Variants in HMCN1 observed in about 807,000 individuals in gnomAD.
HMCN1 encodes hemicentin 1.
A neutral mutation model predicts 625.9 loss-of-function variants in HMCN1; 321 were observed. That is an observed-to-expected ratio of 0.51 (90% CI 0.47 to 0.56). The LOEUF (loss-of-function observed/expected upper bound fraction) is 0.56, where lower values mean the gene tolerates loss of function less well. HMCN1 is among the 20% of genes least tolerant of loss of function. HMCN1 has a pLI of 0.00. For synonymous variants in HMCN1, 2,425 were observed against 2,417.6 expected (o/e 1.00, Z -0.09); for missense variants, 6,588 against 6,887.3 (o/e 0.96, Z 1.54).
At position 186,128,294 on chromosome 1, in the gene HMCN1, T is replaced by C; in HGVS notation, c.12904+3T>C. 1 of 1,610,628 alleles carries C rather than the reference T, an allele frequency of 6.2e-7. No individual in the cohort carries two copies. Among genetic ancestry groups the C allele is most frequent in the Non-Finnish European group, 8.5e-7 (1 of 1,177,566 alleles). ...CTTCAATAACAATATTATTCCAGGT[T>C]GGTCATTTAATTCTCAAGAAGTGAA... On this transcript the variant is annotated splice_donor_region_variant and intron_variant, in intron 83 of 106. Transcript: ENST00000271588.
chr1:186,055,742 A>G, intron 45 of HMCN1, 68 bp downstream of exon 45: 1 of 1,443,002 alleles, frequency 6.9e-7, no homozygotes, highest in Non-Finnish European at 9.8e-7. Context: ...GATGGGAGAT[A>G]TAGGCCTCAA....
rs962463803 is a variant in HMCN1, at chr1:186,136,613, A to T, written c.13313-55A>T. 4.0e-6 allele frequency: 6 copies of T among 1,516,618 alleles called. No individual in the cohort carries two copies. In the African/African-American group the frequency reaches 8.5e-5, roughly 22 times the overall value. 93.9% of individuals were successfully genotyped at this position (1,516,618 alleles called of 1,614,324 possible). ...TAATGTCGCCATATAATACATGATA[A>T]AAAAAAATGCTGTAACTCCACAAAA... is the stretch of plus-strand genomic sequence containing the variant. On this transcript the variant is annotated intron_variant, in intron 86 of 106. Coordinates refer to ENST00000271588, the MANE Select transcript of HMCN1 (RefSeq NM_031935.3).
chr1:186,057,445 C>G, intron 46 of HMCN1, 44 bp downstream of exon 46: 1 of 1,312,636 alleles, frequency 7.6e-7, no homozygotes, highest in Non-Finnish European at 1.1e-6. Flanking sequence ...TAGCTTCATA[C>G]GGCTACAATT....
intron 1 of HMCN1, among the ~76,000 whole-genome samples, chr1:185,744,800 G>A (rs924453222): frequency 9.9e-5 from 15 of 152,134 alleles, no homozygotes; most frequent in Admixed American, 8.5e-4. Flanking sequence ...GAGGAGTTTG[G>A]ATTTCATCCT....
chr1:186,089,675 A>G (rs1659728000), intron 63 of HMCN1, among the ~76,000 whole-genome samples: 1 of 151,994 alleles, frequency 6.6e-6, no homozygotes, highest in Non-Finnish European at 1.5e-5. Flanking sequence ...ACATTTTACC[A>G]GATTTTTATA....
intron 4 of HMCN1, among the ~76,000 whole-genome samples, chr1:185,870,131 A>G (rs1663518934): frequency 6.6e-6 from 1 of 152,100 alleles, no homozygotes; most frequent in Non-Finnish European, 1.5e-5. Context: ...TTGGCCAAGC[A>G]TCAGTGGTCT....
At chr1:185,848,140 A>G (rs1161546713) in intron 2 of HMCN1, among the ~76,000 whole-genome samples, 1 of 151,828 alleles carries the variant, frequency 6.6e-6, no homozygotes, top group Non-Finnish European at 1.5e-5. Context: ...CTCAATGCCA[A>G]CCGCATTGTC....
At position 186,144,687 on chromosome 1, in the gene HMCN1, C is replaced by T. The variant is rs1571414563; in HGVS notation, c.14250C>T (p.Asn4750=). Residue 4750 remains asparagine (N), a synonymous_variant, in exon 91 of 107, where the codon AAC becomes AAT. Transcript: ENST00000271588. ...EGSDVQSDFC[N]SDPCPTHGNW... ...GTGATGTCCAGAGTGATTTTTGCAACAGTGACCCTTGCCCAAGTGAGTGTT... is the reference window on the plus strand; with the variant it reads ...GTGATGTCCAGAGTGATTTTTGCAATAGTGACCCTTGCCCAAGTGAGTGTT... 2 of 1,614,074 alleles carry T rather than the reference C, an allele frequency of 1.2e-6. No individual in the cohort carries two copies. Among genetic ancestry groups the T allele is most frequent in the Middle Eastern group, 1.7e-4 (1 of 6,060 alleles).
At chr1:186,175,836 A>C (rs1037835689) in intron 103 of HMCN1, among the ~76,000 whole-genome samples, 3 of 147,040 alleles carry the variant, frequency 2.0e-5, no homozygotes, top group African/African-American at 7.6e-5. Context: ...AGATTGCATC[A>C]CTGCACTCCA....
At chr1:185,975,121 A>G (rs925829766) in intron 15 of HMCN1, among the ~76,000 whole-genome samples, 2 of 152,198 alleles carry the variant, frequency 1.3e-5, no homozygotes, top group African/African-American at 2.4e-5. Flanking sequence ...CATATCCAGA[A>G]ACTTTTAAAC....
intron 46 of HMCN1, among the ~76,000 whole-genome samples, chr1:186,059,862 C>G (rs1657572514): frequency 6.6e-6 from 1 of 151,780 alleles, no homozygotes; most frequent in Non-Finnish European, 1.5e-5. Flanking sequence ...AGCGAGAAGT[C>G]CATGAAAAAA....
intron 36 of HMCN1, among the ~76,000 whole-genome samples, chr1:186,028,428 AT>A (rs1655201982): frequency 6.6e-6 from 1 of 152,178 alleles, no homozygotes; most frequent in Non-Finnish European, 1.5e-5. Context: ...TGGAATTTAT[AT>A]TTGTATTTAC....
chr1:186,035,870 C>G (rs1655785169), intron 36 of HMCN1, among the ~76,000 whole-genome samples: 1 of 152,088 alleles, frequency 6.6e-6, no homozygotes, highest in Admixed American at 6.6e-5. Context: ...CATATGCATA[C>G]ACAATCTGCA....
chr1:185,837,679 A>G (rs1661252894), intron 1 of HMCN1, among the ~76,000 whole-genome samples: 2 of 152,182 alleles, frequency 1.3e-5, no homozygotes, highest in East Asian at 3.9e-4. Context: ...CATTAAGAAA[A>G]AAAACTCTTA....
At chr1:186,131,837 T>G (rs987236416) in intron 85 of HMCN1, among the ~76,000 whole-genome samples, 1 of 152,140 alleles carries the variant, frequency 6.6e-6, no homozygotes, top group African/African-American at 2.4e-5. Flanking sequence ...TATAAGTAAA[T>G]TAGTTTTTCA....
chr1:186,118,651 A>C (rs1238795816), intron 77 of HMCN1, among the ~76,000 whole-genome samples: 1 of 152,232 alleles, frequency 6.6e-6, no homozygotes, highest in Non-Finnish European at 1.5e-5. Context: ...ATATCCATGC[A>C]ATGGAATTCT....
intron 1 of HMCN1, among the ~76,000 whole-genome samples, chr1:185,748,815 T>G (rs1017479447): frequency 6.6e-6 from 1 of 152,182 alleles, no homozygotes; most frequent in African/African-American, 2.4e-5. Context: ...ATGTAAAACA[T>G]TTGGTGCAAA....
chr1:185,841,707 A>C (rs1661488644), intron 1 of HMCN1, among the ~76,000 whole-genome samples: 2 of 152,202 alleles, frequency 1.3e-5, no homozygotes, highest in Non-Finnish European at 2.9e-5. Context: ...GATGCTGGCT[A>C]TCATGCTGCT....
chr1:185,777,600 C>A (rs1437006588), intron 1 of HMCN1, among the ~76,000 whole-genome samples: 1 of 152,038 alleles, frequency 6.6e-6, no homozygotes, highest in African/African-American at 2.4e-5. Flanking sequence ...TACAGGCATG[C>A]GCCACCACAC....
Sources: gnomAD v4.1 joint callset for allele counts (sites outside exome capture counted in the v4.1 genomes callset) on GRCh38, gnomAD v4.1.1 for gene constraint, MANE v1.5 for transcripts, NCBI Gene and HGNC (gene_info 2026-07-23, HGNC 2026-07-21) for gene names.